AP3B1: variants seen among roughly 807,000 people sequenced by gnomAD.
The protein encoded by AP3B1 is adaptor related protein complex 3 subunit beta 1.
Under a neutral mutation model 132.5 loss-of-function variants are expected in AP3B1, and 61 were observed. That is an observed-to-expected ratio of 0.46 (90% confidence interval 0.37 to 0.57). The LOEUF is 0.57. AP3B1 is among the 20% of genes least tolerant of loss of function. AP3B1 has a pLI of 0.00. For synonymous variants in AP3B1, 388 were observed against 438.3 expected (o/e 0.89, Z 1.43); for missense variants, 1,120 against 1,289.4 (o/e 0.87, Z 2.01).
chr5:78,234,144 C>T (rs914055844), intron 3 of AP3B1, among the ~76,000 whole-genome samples: 2 of 151,904 alleles, frequency 1.3e-5, no homozygotes, highest in African/African-American at 4.8e-5. Flanking sequence ...TCCATAGAAC[C>T]CCATCTCTAT....
rs543539224 is a variant in AP3B1, at chr5:78,082,950, G to A, written c.2577+6443C>T. ...CCTGTCTCAGCCTCCCAAGTAGCTGGGATTACAGGCACACGCCACCACCCC... is the reference window on the plus strand; with the variant it reads ...CCTGTCTCAGCCTCCCAAGTAGCTGAGATTACAGGCACACGCCACCACCCC... On this transcript the variant is annotated intron_variant, in intron 22 of 26. Coordinates refer to ENST00000255194, the MANE Select transcript of AP3B1 (RefSeq NM_003664.5). Among the ~76,000 whole-genome samples the A allele has an allele frequency of 4.0e-4, 61 of 152,076 alleles. No individual in the cohort carries two copies. In the South Asian group the frequency reaches 4.8e-3, roughly 12 times the overall value.
intron 1 of AP3B1, among the ~76,000 whole-genome samples, chr5:78,273,421 T>C (rs112535357): frequency 1.4e-4 from 22 of 152,036 alleles, no homozygotes; most frequent in African/African-American, 5.3e-4. Context: ...AAAAAAGAGC[T>C]CCTCATTCAC....
At chr5:78,256,683 C>A (rs1340741024) in intron 2 of AP3B1, among the ~76,000 whole-genome samples, 1 of 152,074 alleles carries the variant, frequency 6.6e-6, no homozygotes, top group Non-Finnish European at 1.5e-5. Flanking sequence ...CAGTATTACC[C>A]TGATACCAAA....
chr5:78,109,578 C>T (rs936919794), intron 20 of AP3B1, among the ~76,000 whole-genome samples: 1 of 152,044 alleles, frequency 6.6e-6, no homozygotes, highest in African/African-American at 2.4e-5. Flanking sequence ...AGATAATTAT[C>T]GTTAGGTCTG....
At chr5:78,214,136 C>CAAAGA in intron 7 of AP3B1, among the ~76,000 whole-genome samples, 1 of 152,192 alleles carries the variant, frequency 6.6e-6, no homozygotes, top group Non-Finnish European at 1.5e-5. Context: ...AAGTAAGTGG[C>CAAAGA]AAAGAAAAGA....
At chr5:78,164,297 A>G (rs1743520507) in intron 12 of AP3B1, among the ~76,000 whole-genome samples, 1 of 152,128 alleles carries the variant, frequency 6.6e-6, no homozygotes, top group Non-Finnish European at 1.5e-5. Context: ...TGAAAAAAAT[A>G]CTTAAAAGTT....
intron 1 of AP3B1, among the ~76,000 whole-genome samples, chr5:78,291,167 G>A (rs531834183): frequency 2.6e-5 from 4 of 151,992 alleles, no homozygotes; most frequent in Admixed American, 6.6e-5. Flanking sequence ...AAAAATTGCC[G>A]ATAATACTAT....
intron 1 of AP3B1, among the ~76,000 whole-genome samples, chr5:78,287,057 T>G (rs192716593): frequency 6.6e-6 from 1 of 152,348 alleles, no homozygotes; most frequent in East Asian, 1.9e-4. Flanking sequence ...TGTCATTCTA[T>G]GAGCATTTAT....
intron 7 of AP3B1, among the ~76,000 whole-genome samples, chr5:78,208,200 A>T (rs975011747): frequency 1.3e-5 from 2 of 152,170 alleles, no homozygotes; most frequent in South Asian, 4.1e-4. Flanking sequence ...CAGGCCTAGT[A>T]AGCAATCAGA....
intron 22 of AP3B1, among the ~76,000 whole-genome samples, chr5:78,061,096 C>T (rs568131342): frequency 3.3e-5 from 5 of 151,346 alleles, no homozygotes; most frequent in African/African-American, 7.3e-5. Context: ...GAAAGCACAC[C>T]GCTGGGTCTC....
At chr5:78,288,929 G>A (rs1236609937) in intron 1 of AP3B1, among the ~76,000 whole-genome samples, 2 of 143,114 alleles carry the variant, frequency 1.4e-5, no homozygotes, top group Non-Finnish European at 3.1e-5. Context: ...ACTAGACCAT[G>A]AAAAAATGTT....
intron 7 of AP3B1, among the ~76,000 whole-genome samples, chr5:78,198,089 C>T (rs1745143724): frequency 6.6e-6 from 1 of 152,166 alleles, no homozygotes; most frequent in South Asian, 2.1e-4. Context: ...ATCCTGTCAC[C>T]TCTCACCTTT....
At chr5:78,191,790 C>T (rs1744845046) in intron 7 of AP3B1, among the ~76,000 whole-genome samples, 1 of 152,094 alleles carries the variant, frequency 6.6e-6, no homozygotes, top group Non-Finnish European at 1.5e-5. Flanking sequence ...AAGAAGGGGG[C>T]TTATGAAGTA....
rs140841552 is a variant in AP3B1, at chr5:78,164,113, A to G, written c.1231-1162T>C. 7.2e-3 allele frequency among the ~76,000 whole-genome samples: 1,097 copies of G among 152,230 alleles called. 10 individuals are homozygous for G. Among genetic ancestry groups the G allele is most frequent in the African/African-American group, 0.025 (1,047 of 41,556 alleles). ...TAGTTCCATGAAGGCAAGACCAATT[A>G]TATTTAAAAGTGTTCCCAAATAAAT... is the stretch of plus-strand genomic sequence containing the variant. On this transcript the variant is annotated intron_variant, in intron 12 of 26. Transcript: ENST00000255194.
chr5:78,045,106 T>C (rs890285487), intron 22 of AP3B1, among the ~76,000 whole-genome samples: 9 of 151,986 alleles, frequency 5.9e-5, no homozygotes, highest in Admixed American at 5.2e-4. Flanking sequence ...CATAGCCAGG[T>C]GTGGTGGCTC....
chr5:78,086,678 G>A (rs1348125393), intron 22 of AP3B1, among the ~76,000 whole-genome samples: 1 of 152,140 alleles, frequency 6.6e-6, no homozygotes, highest in East Asian at 1.9e-4. Context: ...AATGAATAGG[G>A]CAGATCCTGA....
intron 12 of AP3B1, 40 bp from the exon 13 acceptor site, chr5:78,162,991 A>G: frequency 6.3e-7 from 1 of 1,595,976 alleles, no homozygotes; most frequent in Non-Finnish European, 8.6e-7. Context: ...CACTGGTATT[A>G]TTGAGTTAAC....
chr5:78,211,443 T>A (rs2112469135), intron 7 of AP3B1, among the ~76,000 whole-genome samples: 1 of 152,306 alleles, frequency 6.6e-6, no homozygotes, highest in South Asian at 2.1e-4. Context: ...TAAACTAAAT[T>A]AAAAATCTCT....
At chr5:78,096,136 G>T (rs551988050) in intron 21 of AP3B1, among the ~76,000 whole-genome samples, 2 of 152,180 alleles carry the variant, frequency 1.3e-5, no homozygotes, top group African/African-American at 2.4e-5. Context: ...TCAGCCTGCC[G>T]AGTGCCTGCG....
Sources: allele counts gnomAD v4.1 joint callset (sites outside exome capture counted in the v4.1 genomes callset), GRCh38; gene constraint gnomAD v4.1.1; transcripts MANE v1.5; gene names NCBI Gene and HGNC (gene_info 2026-07-23, HGNC 2026-07-21).